BACH2: variants seen among roughly 807,000 people sequenced by gnomAD.
BACH2 encodes BACH transcriptional regulator 2, also known as transcription regulator protein BACH2.
Under a neutral mutation model 61.8 loss-of-function variants are expected in BACH2, and 5 were observed. The observed-to-expected ratio is 0.08, with a 90% confidence interval of 0.04 to 0.17. BACH2 has a LOEUF of 0.17. Among genes scored for constraint, BACH2 ranks in the 10% least tolerant of loss-of-function variants. The pLI is 1.00. For synonymous variants in BACH2, 446 were observed against 440.1 expected (o/e 1.01, Z -0.17); for missense variants, 824 against 1,091.1 (o/e 0.76, Z 3.45).
intron 7 of BACH2, among the ~76,000 whole-genome samples, chr6:89,939,664 T>C (rs1325818474): frequency 8.1e-6 from 1 of 123,714 alleles, no homozygotes; most frequent in Non-Finnish European, 1.8e-5. Context: ...TTCTTTTTTT[T>C]TTTTTTTTTT....
intron 7 of BACH2, among the ~76,000 whole-genome samples, chr6:89,944,510 A>C (rs1271547361): frequency 6.6e-6 from 1 of 152,242 alleles, no homozygotes; most frequent in Non-Finnish European, 1.5e-5. Context: ...GACCAATTAC[A>C]GACACTTCTA....
At chr6:90,120,853 G>C (rs978386611) in intron 4 of BACH2, among the ~76,000 whole-genome samples, 13 of 152,134 alleles carry the variant, frequency 8.5e-5, no homozygotes, top group Admixed American at 8.5e-4. Flanking sequence ...GTTAATGTCA[G>C]CTATACTTGC....
intron 1 of BACH2, among the ~76,000 whole-genome samples, chr6:90,287,562 G>C (rs1271785376): frequency 6.6e-6 from 1 of 152,118 alleles, no homozygotes; most frequent in Non-Finnish European, 1.5e-5. Context: ...TACGGCAAAA[G>C]GCGGGAAATG....
rs571075998 is a variant in BACH2 at position 90,248,270 on chromosome 6, C to A, written c.-275+4243G>T. On this transcript the variant is annotated intron_variant, in intron 3 of 8. Coordinates refer to ENST00000257749, the MANE Select transcript of BACH2 (RefSeq NM_021813.4). ...ACTTAACACTCCTGACAGAATTGCA[C>A]ATTCTTAGAATTGGATATTTATATT... 2.0e-5 allele frequency among the ~76,000 whole-genome samples: 3 copies of A among 152,236 alleles called. No homozygotes were observed. The South Asian group carries it at 6.2e-4, about 32-fold the overall frequency.
chr6:90,259,365 A>G (rs901414708), intron 2 of BACH2, among the ~76,000 whole-genome samples: 6 of 152,228 alleles, frequency 3.9e-5, no homozygotes, highest in Non-Finnish European at 8.8e-5. Context: ...AATGCAATGT[A>G]TCACTACTGA....
At chr6:90,135,283 C>T (rs949024131) in intron 4 of BACH2, among the ~76,000 whole-genome samples, 2 of 152,202 alleles carry the variant, frequency 1.3e-5, no homozygotes, top group Non-Finnish European at 2.9e-5. Context: ...TTGTTACCTA[C>T]ACCTTGCCAT....
chr6:89,928,492 T>C lies in BACH2; in HGVS notation c.*3916A>G, dbSNP rs1042283261. ...CTTCTTTGATGGCAATCATAAAATATTAAAAGAGAAAATGTGGGTTTAGGC... is the reference window on the plus strand; with the variant it reads ...CTTCTTTGATGGCAATCATAAAATACTAAAAGAGAAAATGTGGGTTTAGGC... On this transcript the variant is annotated 3_prime_UTR_variant, in exon 9 of 9. Transcript: ENST00000257749. The C allele has an allele frequency of 5.2e-5, 8 of 152,398 alleles. No homozygotes were observed. The highest frequency in any genetic ancestry group is 1.9e-4 in the African/African-American group (8 of 41,454). 9.4% of individuals were successfully genotyped at this position (152,398 alleles called of 1,614,324 possible). A position where few individuals can be genotyped will look rare whatever the true frequency, so the allele number is the denominator to read the frequency against.
intron 5 of BACH2, among the ~76,000 whole-genome samples, chr6:90,040,943 TACC>T (rs1779504203): frequency 6.6e-6 from 1 of 152,336 alleles, no homozygotes; most frequent in Non-Finnish European, 1.5e-5. Flanking sequence ...TTGTTATTGT[TACC>T]ACCATCTTCC....
chr6:90,010,148 T>C (rs1199303716), intron 5 of BACH2, among the ~76,000 whole-genome samples: 1 of 152,240 alleles, frequency 6.6e-6, no homozygotes, highest in African/African-American at 2.4e-5. Context: ...AGCAATTTGA[T>C]GTTTTGATTG....
intron 4 of BACH2, among the ~76,000 whole-genome samples, chr6:90,105,779 TG>T (rs1230181231): frequency 6.6e-6 from 1 of 152,204 alleles, no homozygotes; most frequent in Non-Finnish European, 1.5e-5. Flanking sequence ...AAGTGAAGGA[TG>T]GGGCCATTTT....
At chr6:90,102,561 G>A (rs1782684920) in intron 4 of BACH2, among the ~76,000 whole-genome samples, 1 of 152,040 alleles carries the variant, frequency 6.6e-6, no homozygotes, top group Non-Finnish European at 1.5e-5. Flanking sequence ...GGCCAAGGCT[G>A]GTGGATCACT....
At chr6:90,274,856 C>T (rs962728196) in intron 1 of BACH2, among the ~76,000 whole-genome samples, 3 of 152,158 alleles carry the variant, frequency 2.0e-5, no homozygotes, top group African/African-American at 7.2e-5. Flanking sequence ...GCATCAAATA[C>T]CTGGGGCACT....
intron 6 of BACH2, among the ~76,000 whole-genome samples, chr6:89,972,476 C>A (rs187779376): frequency 6.6e-6 from 1 of 152,302 alleles, no homozygotes; most frequent in East Asian, 1.9e-4. Context: ...ACCAAAGCCA[C>A]AACCTGGATA....
At chr6:89,998,452 A>C (rs1036168573) in intron 6 of BACH2, among the ~76,000 whole-genome samples, 4 of 152,134 alleles carry the variant, frequency 2.6e-5, no homozygotes, top group African/African-American at 9.7e-5. Flanking sequence ...AAAGTGATGA[A>C]TTTTACTATG....
intron 4 of BACH2, among the ~76,000 whole-genome samples, chr6:90,117,908 C>T (rs1032410613): frequency 2.0e-5 from 3 of 152,144 alleles, no homozygotes; most frequent in Non-Finnish European, 4.4e-5. Context: ...TAAGTTTAGG[C>T]CCTTTTCCTC....
chr6:90,251,160 T>C (rs1027148658), intron 3 of BACH2, among the ~76,000 whole-genome samples: 1 of 152,076 alleles, frequency 6.6e-6, no homozygotes, highest in Non-Finnish European at 1.5e-5. Context: ...AATCAACTTT[T>C]TTTTTTTAAT....
intron 5 of BACH2, among the ~76,000 whole-genome samples, chr6:90,065,130 A>G (rs897482519): frequency 2.7e-5 from 4 of 146,484 alleles, no homozygotes; most frequent in Non-Finnish European, 4.5e-5. Flanking sequence ...AACTTGGAGA[A>G]AAAAAAAAAA....
chr6:90,148,904 T>A (rs539640418), intron 4 of BACH2, among the ~76,000 whole-genome samples: 1 of 152,320 alleles, frequency 6.6e-6, no homozygotes, highest in South Asian at 2.1e-4. Flanking sequence ...CAGGGACCTA[T>A]GAAACACCAG....
chr6:90,063,929 C>T (rs1780815441), intron 5 of BACH2, among the ~76,000 whole-genome samples: 1 of 151,840 alleles, frequency 6.6e-6, no homozygotes, highest in South Asian at 2.1e-4. Flanking sequence ...TTAACTCTTT[C>T]TTTCTTGGTG....
Sources: allele counts gnomAD v4.1 joint callset (sites outside exome capture counted in the v4.1 genomes callset), GRCh38; gene constraint gnomAD v4.1.1; transcripts MANE v1.5; gene names NCBI Gene and HGNC (gene_info 2026-07-23, HGNC 2026-07-21).